GALNTL6: variants seen among roughly 807,000 people sequenced by gnomAD.
The protein encoded by GALNTL6 is polypeptide N-acetylgalactosaminyltransferase-like 6.
GALNTL6 carries 46 observed loss-of-function variants against 73.7 expected under a neutral mutation model. The observed-to-expected ratio is 0.62, with a 90% CI of 0.49 to 0.80. The LOEUF (loss-of-function observed/expected upper bound fraction) is 0.80, where lower values mean the gene tolerates loss of function less well. GALNTL6 is among the 30% of genes least tolerant of loss of function. GALNTL6 has a pLI of 0.00. For missense variants in GALNTL6, 604 were observed against 755.0 expected (o/e 0.80, Z 2.34); for synonymous variants, 259 against 263.7 (o/e 0.98, Z 0.17).
intron 5 of GALNTL6, among the ~76,000 whole-genome samples, chr4:172,540,907 T>C (rs1735529145): frequency 6.6e-6 from 1 of 152,100 alleles, no homozygotes; most frequent in African/African-American, 2.4e-5. Context: ...TTTTAGAGTT[T>C]GAAAGGTATG....
chr4:172,739,951 AAACTT>A (rs1327513891), intron 5 of GALNTL6, among the ~76,000 whole-genome samples: 1 of 152,004 alleles, frequency 6.6e-6, no homozygotes, highest in Non-Finnish European at 1.5e-5. Context: ...TTAAAAAAAA[AAACTT>A]ACAAGGATGG....
At chr4:172,291,608 G>A (rs531212116) in intron 3 of GALNTL6, among the ~76,000 whole-genome samples, 2 of 152,086 alleles carry the variant, frequency 1.3e-5, no homozygotes, top group East Asian at 3.9e-4. Flanking sequence ...CTAGAAATAT[G>A]TTATCTATAA....
chr4:172,415,410 C>G (rs750899831), intron 5 of GALNTL6, among the ~76,000 whole-genome samples: 3 of 152,186 alleles, frequency 2.0e-5, no homozygotes, highest in Non-Finnish European at 2.9e-5. Context: ...CTACTCCACA[C>G]AGGCACTCAA....
chr4:172,487,066 C>T (rs755618333), intron 5 of GALNTL6, among the ~76,000 whole-genome samples: 1 of 152,044 alleles, frequency 6.6e-6, no homozygotes, highest in South Asian at 2.1e-4. Flanking sequence ...GACTGCAAAC[C>T]TAAGAAGCTC....
intron 2 of GALNTL6, among the ~76,000 whole-genome samples, chr4:172,181,103 C>A (rs916638157): frequency 2.6e-5 from 4 of 152,116 alleles, no homozygotes; most frequent in African/African-American, 9.7e-5. Context: ...AAGGACTCCT[C>A]CCTAAATCAT....
intron 2 of GALNTL6, among the ~76,000 whole-genome samples, chr4:172,092,733 TTC>T (rs1579130430): frequency 6.6e-6 from 1 of 152,066 alleles, no homozygotes; most frequent in East Asian, 1.9e-4. Flanking sequence ...CACAGAATCT[TTC>T]TCTTTTTCTA....
intron 10 of GALNTL6, among the ~76,000 whole-genome samples, chr4:173,007,564 T>C (rs1452330098): frequency 6.6e-6 from 1 of 152,038 alleles, no homozygotes; most frequent in Non-Finnish European, 1.5e-5. Context: ...CCCAACACTT[T>C]GGGAGGCCGA....
intron 5 of GALNTL6, among the ~76,000 whole-genome samples, chr4:172,369,259 C>T (rs1233469217): frequency 6.6e-6 from 1 of 152,228 alleles, no homozygotes; most frequent in African/African-American, 2.4e-5. Flanking sequence ...CATAAAAGTT[C>T]TCCAAGTCCC....
chr4:172,478,602 A>G (rs1224141334), intron 5 of GALNTL6, among the ~76,000 whole-genome samples: 2 of 152,252 alleles, frequency 1.3e-5, no homozygotes, highest in Admixed American at 6.5e-5. Context: ...AGGCCTAGGC[A>G]AAGAGTTTAT....
chr4:172,606,441 C>T (rs150472547), intron 5 of GALNTL6, among the ~76,000 whole-genome samples: 4,348 of 132,120 alleles, frequency 0.033, 100 homozygotes, highest in South Asian at 0.096. Flanking sequence ...GCAACAGGAG[C>T]GAAACTCTGT....
chr4:172,700,256 C>G (rs1579358198), intron 5 of GALNTL6, among the ~76,000 whole-genome samples: 2 of 152,090 alleles, frequency 1.3e-5, no homozygotes, highest in East Asian at 3.8e-4. Flanking sequence ...TGGGTTTCTC[C>G]TTTAAATGTG....
intron 2 of GALNTL6, among the ~76,000 whole-genome samples, chr4:171,852,546 A>G (rs1048375444): frequency 5.3e-5 from 8 of 151,556 alleles, no homozygotes; most frequent in Non-Finnish European, 8.8e-5. Context: ...CTTTCTTTAT[A>G]TAGCTTTCTT....
At chr4:172,157,272 G>T (rs537336642) in intron 2 of GALNTL6, among the ~76,000 whole-genome samples, 1 of 152,314 alleles carries the variant, frequency 6.6e-6, no homozygotes, top group East Asian at 1.9e-4. Context: ...AGTCTCAGAA[G>T]AAGGAGCAAT....
At chr4:172,843,137 C>T (rs981720199) in intron 7 of GALNTL6, among the ~76,000 whole-genome samples, 12 of 152,166 alleles carry the variant, frequency 7.9e-5, no homozygotes, top group Admixed American at 1.3e-4. Flanking sequence ...ACCCCTCATC[C>T]CCTCAAGGGC....
intron 5 of GALNTL6, among the ~76,000 whole-genome samples, chr4:172,416,354 T>C (rs1730834201): frequency 1.3e-5 from 2 of 152,210 alleles, no homozygotes; most frequent in Non-Finnish European, 2.9e-5. Flanking sequence ...AATTCCGGCT[T>C]ACATCTAGAC....
At chr4:172,301,642 C>T (rs1047006959) in intron 3 of GALNTL6, among the ~76,000 whole-genome samples, 26 of 152,180 alleles carry the variant, frequency 1.7e-4, no homozygotes, top group African/African-American at 5.3e-4. Flanking sequence ...ACTCCAGACC[C>T]TGTTTTCCTG....
At chr4:172,176,337 C>CAAAAAAAAAAAAAAAAACA (rs1734996582) in intron 2 of GALNTL6, among the ~76,000 whole-genome samples, 1 of 31,362 alleles carries the variant, frequency 3.2e-5, no homozygotes, top group African/African-American at 1.4e-4. Flanking sequence ...GACTCCGTCT[C>CAAAAAAAAAAAAAAAAACA]AAAAAAAAAA....
chr4:172,088,893 C>T (rs1357985828), intron 2 of GALNTL6, among the ~76,000 whole-genome samples: 2 of 152,104 alleles, frequency 1.3e-5, no homozygotes, highest in African/African-American at 4.8e-5. Context: ...GTCTCGTTTC[C>T]TTCAGTCCCC....
At chr4:172,423,070 G>A (rs1731107224) in intron 5 of GALNTL6, among the ~76,000 whole-genome samples, 1 of 151,766 alleles carries the variant, frequency 6.6e-6, no homozygotes, top group South Asian at 2.1e-4. Flanking sequence ...GTAGACACCA[G>A]GAAATCAGTT....
Sources: gnomAD v4.1 joint callset for allele counts (sites outside exome capture counted in the v4.1 genomes callset) on GRCh38, gnomAD v4.1.1 for gene constraint, MANE v1.5 for transcripts, NCBI Gene and HGNC (gene_info 2026-07-23, HGNC 2026-07-21) for gene names.